TNFAIP8L1: variants seen among roughly 807,000 people sequenced by gnomAD.
TNFAIP8L1 encodes tumor necrosis factor alpha-induced protein 8-like protein 1.
For synonymous variants in TNFAIP8L1, 127 were observed against 125.6 expected, an observed-to-expected ratio of 1.01 and a Z score of -0.08; for missense variants, 225 against 266.1, an observed-to-expected ratio of 0.85 and a Z score of 1.08.
At chr19:4,651,593 A>G (rs1599829604) in intron 1 of TNFAIP8L1, among the ~76,000 whole-genome samples, 1 of 151,958 alleles carries the variant, frequency 6.6e-6, no homozygotes. Context: ...CCCATCACCA[A>G]GCCTGGCTAA....
chr19:4,646,226 G>A (rs1233400313), intron 1 of TNFAIP8L1, among the ~76,000 whole-genome samples: 3 of 151,510 alleles, frequency 2.0e-5, no homozygotes, highest in African/African-American at 7.3e-5. Context: ...AGGTTCAAGC[G>A]GTTCTCCTGC....
rs1252675167 is a variant in TNFAIP8L1, at chr19:4,652,098, G to A, written c.229G>A (p.Asp77Asn). 1 of 1,597,560 alleles carries A rather than the reference G, an allele frequency of 6.3e-7. No individual in the cohort carries two copies. Among genetic ancestry groups the A allele is most frequent in the East Asian group, 2.3e-5 (1 of 43,880 alleles). Reference protein sequence around the residue: ...ALKLGLLLRGDQLGGEELALL... With the variant: ...ALKLGLLLRGNQLGGEELALL... ...GAAGCTGGGACTGCTGCTGCGTGGG[G>A]ACCAGCTGGGCGGTGAGGAGCTGGC... The change falls in exon 2 of 2, where the codon GAC becomes AAC. Residue 77 changes from aspartate (D) to asparagine (N), a missense_variant. Coordinates refer to ENST00000327473, the MANE Select transcript of TNFAIP8L1 (RefSeq NM_152362.3).
intron 1 of TNFAIP8L1, among the ~76,000 whole-genome samples, chr19:4,646,070 G>T (rs770525291): frequency 6.6e-6 from 1 of 151,942 alleles, no homozygotes; most frequent in African/African-American, 2.4e-5. Context: ...CCCCACCCCC[G>T]TGGCCCATAT....
Position 4,651,899 on chromosome 19 carries a change from T to C in TNFAIP8L1, c.30T>C (p.Ala10=), listed in dbSNP as rs143527230. The change falls in exon 2 of 2, where the codon GCT becomes GCC. Residue 10 remains alanine, a synonymous_variant. Transcript: ENST00000327473. MDTFSTKSL[A]LQAQKKLLSK... Reference sequence around the variant, plus strand: ...ACACCTTCAGCACCAAGAGCCTGGCTCTGCAGGCGCAGAAGAAGCTCCTGA... The same window carrying C: ...ACACCTTCAGCACCAAGAGCCTGGCCCTGCAGGCGCAGAAGAAGCTCCTGA... The C allele has an allele frequency of 2.8e-3, 4,519 of 1,609,790 alleles. 17 individuals are homozygous for C. The highest frequency in any genetic ancestry group is 5.2e-3 in the Middle Eastern group (31 of 6,004).
chr19:4,649,282 A>C (rs1223213917), intron 1 of TNFAIP8L1, among the ~76,000 whole-genome samples: 1 of 151,812 alleles, frequency 6.6e-6, no homozygotes, highest in African/African-American at 2.4e-5. Context: ...TAGGTCTGCA[A>C]GTTCACAGAG....
chr19:4,643,703 C>T (rs930646517), intron 1 of TNFAIP8L1, among the ~76,000 whole-genome samples: 6 of 152,112 alleles, frequency 3.9e-5, no homozygotes, highest in African/African-American at 1.2e-4. Flanking sequence ...TCTGGGAGGC[C>T]GAAGCAGGAG....
At chr19:4,644,606 T>C (rs990490296) in intron 1 of TNFAIP8L1, among the ~76,000 whole-genome samples, 4 of 61,450 alleles carry the variant, frequency 6.5e-5, no homozygotes, top group African/African-American at 1.3e-4. Context: ...GAGTCATGGA[T>C]TTTTTTTTTT....
At chr19:4,644,952 T>C (rs2088296259) in intron 1 of TNFAIP8L1, among the ~76,000 whole-genome samples, 1 of 152,008 alleles carries the variant, frequency 6.6e-6, no homozygotes, top group African/African-American at 2.4e-5. Flanking sequence ...TGGGAGTCGG[T>C]GGGATGAGGC....
In TNFAIP8L1 at chr19:4,652,620, A is replaced by C; in HGVS notation, c.*190A>C. The C allele has an allele frequency of 1.1e-5, 6 of 564,270 alleles. No individual in the cohort carries two copies. Among genetic ancestry groups the C allele is most frequent in the East Asian group, 3.3e-5 (1 of 30,312 alleles). The allele number at this position is 564,270 out of a possible 1,614,324, so 35.0% of individuals were successfully genotyped here. A position where few individuals can be genotyped will look rare whatever the true frequency, so the allele number is the denominator to read the frequency against. On this transcript the variant is annotated 3_prime_UTR_variant, in exon 2 of 2. Transcript: ENST00000327473. Reference sequence around the variant, plus strand: ...TCTGTAGCAGCTGTTTCAAACACCAATGTCACCTCTCCTCCTGGCCCCCGC... The same window carrying C: ...TCTGTAGCAGCTGTTTCAAACACCACTGTCACCTCTCCTCCTGGCCCCCGC...
intron 1 of TNFAIP8L1, among the ~76,000 whole-genome samples, chr19:4,644,619 T>TTTC (rs1316752158): frequency 6.8e-6 from 1 of 146,730 alleles, no homozygotes; most frequent in Non-Finnish European, 1.5e-5. Context: ...TTTTTTTTTT[T>TTTC]TTTTTTTTTT....
chr19:4,647,238 C>T (rs2088320322), intron 1 of TNFAIP8L1, among the ~76,000 whole-genome samples: 1 of 152,114 alleles, frequency 6.6e-6, no homozygotes, highest in South Asian at 2.1e-4. Context: ...TGGGTAGATC[C>T]CCCAAAGTGG....
chr19:4,649,403 G>A (rs1331091775), intron 1 of TNFAIP8L1, among the ~76,000 whole-genome samples: 1 of 152,108 alleles, frequency 6.6e-6, no homozygotes, highest in Non-Finnish European at 1.5e-5. Flanking sequence ...TCTGCCCCAG[G>A]ACAAAGTTCG....
chr19:4,646,672 C>T (rs1219589943), intron 1 of TNFAIP8L1, among the ~76,000 whole-genome samples: 1 of 151,744 alleles, frequency 6.6e-6, no homozygotes, highest in Non-Finnish European at 1.5e-5. Flanking sequence ...GCTCTGTCAC[C>T]CAGGCTGGAG....
intron 1 of TNFAIP8L1, among the ~76,000 whole-genome samples, chr19:4,648,865 T>C (rs2088335820): frequency 6.6e-6 from 1 of 151,850 alleles, no homozygotes; most frequent in African/African-American, 2.4e-5. Context: ...TATTCATCTA[T>C]GAACTGGGGA....
At chr19:4,646,080 T>A (rs1184492559) in intron 1 of TNFAIP8L1, among the ~76,000 whole-genome samples, 1 of 151,826 alleles carries the variant, frequency 6.6e-6, no homozygotes, top group African/African-American at 2.4e-5. Flanking sequence ...GTGGCCCATA[T>A]CTCTCTTCCT....
At chr19:4,643,865 G>A (rs1421895311) in intron 1 of TNFAIP8L1, among the ~76,000 whole-genome samples, 2 of 151,956 alleles carry the variant, frequency 1.3e-5, no homozygotes, top group African/African-American at 2.4e-5. Context: ...AACTGGAGAG[G>A]TGGAGGTTGC....
At chr19:4,642,995 G>A (rs927343236) in intron 1 of TNFAIP8L1, among the ~76,000 whole-genome samples, 3 of 151,922 alleles carry the variant, frequency 2.0e-5, no homozygotes, top group Admixed American at 1.3e-4. Flanking sequence ...GAAGTGGGTT[G>A]CGTTAGGCCA....
Position 4,645,720 on chromosome 19 carries a change from A to G in TNFAIP8L1, c.-4+6091A>G, listed in dbSNP as rs2088304451. Among the ~76,000 whole-genome samples, 1 of 152,158 alleles carries G rather than the reference A, an allele frequency of 6.6e-6. No homozygotes were observed. Among genetic ancestry groups the G allele is most frequent in the Non-Finnish European group, 1.5e-5 (1 of 67,938 alleles). On this transcript the variant is annotated intron_variant, in intron 1 of 1. Coordinates refer to ENST00000327473, the MANE Select transcript of TNFAIP8L1 (RefSeq NM_152362.3). The surrounding 1 kb of genome is among the most constrained non-coding windows in gnomAD (Gnocchi z 4.1). Reference sequence around the variant, plus strand: ...AGGATCCGTCTCAAAAAAAAAAAAAAAAAGGAATATAGGGAGCAGGGGAAG... The same window carrying G: ...AGGATCCGTCTCAAAAAAAAAAAAAGAAAGGAATATAGGGAGCAGGGGAAG...
At chr19:4,646,303 T>C (rs2088310798) in intron 1 of TNFAIP8L1, among the ~76,000 whole-genome samples, 1 of 150,884 alleles carries the variant, frequency 6.6e-6, no homozygotes, top group African/African-American at 2.4e-5. Context: ...TTTTTTTTTT[T>C]TTCAGTTGAG....
Sources: gnomAD v4.1 joint callset for allele counts (sites outside exome capture counted in the v4.1 genomes callset) on GRCh38, gnomAD v4.1.1 for gene constraint, Gnocchi (gnomAD v3.1) non-coding constraint, MANE v1.5 for transcripts, NCBI Gene and HGNC (gene_info 2026-07-23, HGNC 2026-07-21) for gene names.